SLC12A8: variants seen among roughly 807,000 people sequenced by gnomAD.
The protein encoded by SLC12A8 is cation-chloride cotransporter 9.
SLC12A8 carries 69 observed loss-of-function variants against 75.6 expected under a neutral mutation model. The ratio of observed to expected loss-of-function variants is 0.91; its 90% confidence interval spans 0.75 to 1.11. The LOEUF (loss-of-function observed/expected upper bound fraction) is 1.11. Among genes scored for constraint, SLC12A8 ranks in the 50% most tolerant of loss-of-function variants. SLC12A8 has a pLI of 0.00. For missense variants in SLC12A8, 877 were observed against 896.7 expected (o/e 0.98, Z 0.28); for synonymous variants, 365 against 372.8 (o/e 0.98, Z 0.24).
At chr3:125,151,819 T>C (rs1243462842) in intron 5 of SLC12A8, among the ~76,000 whole-genome samples, 1 of 152,236 alleles carries the variant, frequency 6.6e-6, no homozygotes, top group South Asian at 2.1e-4. Context: ...ACAAGCAACA[T>C]GAGGACTTAA....
intron 7 of SLC12A8, among the ~76,000 whole-genome samples, chr3:125,120,329 G>GC (rs756732845): frequency 6.6e-6 from 1 of 151,798 alleles, no homozygotes; most frequent in Non-Finnish European, 1.5e-5. Flanking sequence ...GGGGCGGGAG[G>GC]CCGAGGAAAG....
At chr3:125,088,580 A>G (rs376662519) in intron 12 of SLC12A8, among the ~76,000 whole-genome samples, 21 of 152,376 alleles carry the variant, frequency 1.4e-4, no homozygotes, top group African/African-American at 4.3e-4. Flanking sequence ...TGAATCCTTC[A>G]AAAGTTTATT....
intron 10 of SLC12A8, among the ~76,000 whole-genome samples, chr3:125,104,374 G>A (rs1938969985): frequency 6.6e-6 from 1 of 152,046 alleles, no homozygotes; most frequent in Admixed American, 6.5e-5. Context: ...CTCCCAAAGT[G>A]CTGGGATTAC....
intron 2 of SLC12A8, among the ~76,000 whole-genome samples, chr3:125,202,083 GTA>G (rs1935133452): frequency 6.6e-6 from 1 of 152,044 alleles, no homozygotes; most frequent in South Asian, 2.1e-4. Context: ...AAACTTTTTT[GTA>G]TTTTTGTAGA....
intron 6 of SLC12A8, among the ~76,000 whole-genome samples, chr3:125,122,161 C>T (rs764178705): frequency 6.6e-6 from 1 of 152,094 alleles, no homozygotes. Context: ...TATTAGAAAA[C>T]AGAACACATG....
At chr3:125,107,429 A>G (rs760746661) in intron 10 of SLC12A8, 52 bp downstream of exon 10, 6 of 1,503,134 alleles carry the variant, frequency 4.0e-6, no homozygotes, top group Middle Eastern at 1.8e-4. Flanking sequence ...AGGTAGGATA[A>G]TCAGTGGTCA....
chr3:125,138,167 C>T (rs151137439), intron 5 of SLC12A8, among the ~76,000 whole-genome samples: 2,009 of 152,082 alleles, frequency 0.013, 42 homozygotes, highest in African/African-American at 0.046. Context: ...TTTGGGAGGC[C>T]GAGGCAGGTG....
chr3:125,137,183 C>T (rs940332947), intron 5 of SLC12A8, among the ~76,000 whole-genome samples: 3 of 152,118 alleles, frequency 2.0e-5, no homozygotes, highest in East Asian at 1.9e-4. Context: ...TGAGGTCGCC[C>T]GCACTTCACA....
chr3:125,190,274 G>A, intron 3 of SLC12A8, 101 bp downstream of exon 3: 1 of 1,298,432 alleles, frequency 7.7e-7, no homozygotes, highest in South Asian at 1.4e-5. Flanking sequence ...AGGAGCATCT[G>A]TGCTTCAGGA....
chr3:125,125,243 G>C (rs943330186), intron 6 of SLC12A8, among the ~76,000 whole-genome samples: 1 of 151,926 alleles, frequency 6.6e-6, no homozygotes, highest in African/African-American at 2.4e-5. Context: ...TTCTTGGCGG[G>C]CTTCCAAAAA....
intron 10 of SLC12A8, among the ~76,000 whole-genome samples, chr3:125,100,297 A>C (rs1357628737): frequency 6.6e-6 from 1 of 152,200 alleles, no homozygotes; most frequent in Non-Finnish European, 1.5e-5. Context: ...GAAAGAAAGA[A>C]TGAATCAATT....
intron 9 of SLC12A8, among the ~76,000 whole-genome samples, chr3:125,108,806 C>T (rs1939107198): frequency 6.6e-6 from 1 of 152,172 alleles, no homozygotes; most frequent in South Asian, 2.1e-4. Context: ...CAGGGAGAGG[C>T]AGATTGCGGA....
At position 125,135,663 on chromosome 3, in the gene SLC12A8, C is replaced by T. The variant is rs1933470408; in HGVS notation, c.736+6G>A. 1 of 1,571,212 alleles carries T rather than the reference C, an allele frequency of 6.4e-7. No homozygotes were observed. Among genetic ancestry groups the T allele is most frequent in the Non-Finnish European group, 8.6e-7 (1 of 1,157,516 alleles). On this transcript the variant is annotated splice_donor_region_variant and intron_variant, in intron 6 of 13. Transcript: ENST00000469902. ...TGAGAGTAAAAAAGAACCCAGATTA[C>T]AATACCTGTAGCCGCTGGGAAGAAA...
At chr3:125,154,279 A>G (rs943896836) in intron 5 of SLC12A8, among the ~76,000 whole-genome samples, 1 of 152,124 alleles carries the variant, frequency 6.6e-6, no homozygotes. Flanking sequence ...TTGTTTTCTA[A>G]TTCAGTCAGT....
At chr3:125,162,279 G>A (rs914580724) in intron 5 of SLC12A8, among the ~76,000 whole-genome samples, 6 of 152,100 alleles carry the variant, frequency 3.9e-5, no homozygotes, top group Non-Finnish European at 5.9e-5. Context: ...AGCAAGCCCC[G>A]TGCTGGTGTT....
intron 13 of SLC12A8, 59 bp from the exon 14 acceptor site, chr3:125,084,111 A>ACTCACCTCTACT: frequency 2.8e-6 from 4 of 1,439,662 alleles, no homozygotes; most frequent in South Asian, 1.2e-5. Flanking sequence ...TGAACAGTAG[A>ACTCACCTCTACT]GGTGAGTCTA....
In SLC12A8 at chr3:125,148,151, GTATATGT is replaced by G. The variant is rs1933830742; in HGVS notation, c.623-12376_623-12370del. On this transcript the variant is annotated intron_variant, in intron 5 of 13. Transcript: ENST00000469902. ...CAAAGCCATGTCTCTGACAACTGTAGTATATGTGATGCAATCTTTCACATTAGGCCAA... is the reference window on the plus strand; with the variant it reads ...CAAAGCCATGTCTCTGACAACTGTAGGATGCAATCTTTCACATTAGGCCAA... 3.9e-5 allele frequency among the ~76,000 whole-genome samples: 6 copies of G among 152,164 alleles called. 1 individual carries two copies. The South Asian group carries it at 1.2e-3, about 31-fold the overall frequency.
At chr3:125,134,943 C>T (rs2981505) in intron 6 of SLC12A8, among the ~76,000 whole-genome samples, 11,196 of 152,286 alleles carry the variant, frequency 0.074, 496 homozygotes, top group Admixed American at 0.095. Context: ...AGAGTCTGTT[C>T]CCTGGGGACA....
chr3:125,193,834 C>T (rs752044456), intron 2 of SLC12A8, among the ~76,000 whole-genome samples: 15 of 152,096 alleles, frequency 9.9e-5, no homozygotes, highest in Non-Finnish European at 2.2e-4. Context: ...GGTGGAAGCG[C>T]TGGGGTGATG....
Sources: allele counts gnomAD v4.1 joint callset (sites outside exome capture counted in the v4.1 genomes callset), GRCh38; gene constraint gnomAD v4.1.1; transcripts MANE v1.5; gene names NCBI Gene and HGNC (gene_info 2026-07-23, HGNC 2026-07-21).